Variants in XPC observed in about 807,000 individuals in gnomAD.
XPC encodes the protein DNA repair protein complementing XP-C cells.
Under a neutral mutation model 95.8 loss-of-function variants are expected in XPC, and 76 were observed. The ratio of observed to expected loss-of-function variants is 0.79; its 90% confidence interval spans 0.66 to 0.96. The LOEUF is 0.96. XPC is among the 40% of genes least tolerant of loss of function. The probability of loss-of-function intolerance (pLI) is 0.00; values close to 1 mark genes in which losing one functional copy is unlikely to be tolerated. For synonymous variants in XPC, 442 were observed against 442.1 expected (o/e 1.00, Z 0.00); for missense variants, 1,146 against 1,179.8 (o/e 0.97, Z 0.42).
At position 14,165,392 on chromosome 3, in the gene XPC, A is replaced by G. The variant is rs750814147; in HGVS notation, c.779+36T>C. 4.5e-6 allele frequency: 7 copies of G among 1,542,468 alleles called. No homozygotes were observed. In the South Asian group the frequency reaches 4.8e-5, roughly 11 times the overall value. On this transcript the variant is annotated intron_variant, in intron 6 of 15. Transcript: ENST00000285021. ...CCTCTGAGAGAAACACAAATCCTAC[A>G]CTCCCCAGCTCTGCAGGACAAGCGG...
intron 2 of XPC, 125 bp downstream of exon 2, chr3:14,172,742 T>C (rs1696660498): frequency 8.8e-7 from 1 of 1,132,744 alleles, no homozygotes. Context: ...GAGTTGTACC[T>C]AGAAGAATTT....
At position 14,158,622 on chromosome 3, in the gene XPC, C is replaced by G. The variant is rs1319388844; in HGVS notation, c.1261G>C (p.Glu421Gln). The G allele has an allele frequency of 4.3e-6, 7 of 1,613,916 alleles. No homozygotes were observed. Among genetic ancestry groups the G allele is most frequent in the African/African-American group, 1.3e-5 (1 of 75,024 alleles). ...KATQRRPHGR[E>Q]RRVASRVSYK... is the part of the protein sequence containing the mutation. ...GACACCCTGGAGGCCACCCGCCGCTCCCGGCCATGCGGACGTCGCTGGGTT... is the reference window on the plus strand; with the variant it reads ...GACACCCTGGAGGCCACCCGCCGCTGCCGGCCATGCGGACGTCGCTGGGTT... Residue 421 changes from glutamate to glutamine, a missense_variant, in exon 9 of 16, where the codon GAG (glutamate) becomes CAG (glutamine). By Grantham distance (29) the Glu-to-Gln change is conservative. Coordinates refer to ENST00000285021, the MANE Select transcript of XPC (RefSeq NM_004628.5). The surrounding 1 kb of genome is among the most constrained non-coding windows in gnomAD (Gnocchi z 5.2).
At chr3:14,177,839 T>G (rs1321036294) in intron 1 of XPC, among the ~76,000 whole-genome samples, 1 of 132,276 alleles carries the variant, frequency 7.6e-6, no homozygotes, top group Admixed American at 8.0e-5. Context: ...TGAAGAGAAG[T>G]GGACAAATTT....
chr3:14,169,334 T>TA (rs1696518009), intron 3 of XPC, among the ~76,000 whole-genome samples: 1 of 152,224 alleles, frequency 6.6e-6, no homozygotes, highest in Non-Finnish European at 1.5e-5. Flanking sequence ...TCTTTGGACT[T>TA]AGTTTACAAG....
At position 14,145,546 on chromosome 3, in the gene XPC, T is replaced by C. The variant is rs1487745337; in HGVS notation, c.*395A>G. ...TGAAGACTCTAACTGGAAGAAACGATCAGCGCATTCACGGATGCACCACCA... is the reference window on the plus strand; with the variant it reads ...TGAAGACTCTAACTGGAAGAAACGACCAGCGCATTCACGGATGCACCACCA... On this transcript the variant is annotated 3_prime_UTR_variant, in exon 16 of 16. Transcript: ENST00000285021. The C allele has an allele frequency of 1.4e-6, 1 of 700,128 alleles. No individual in the cohort carries two copies. Among genetic ancestry groups the C allele is most frequent in the Non-Finnish European group, 2.6e-6 (1 of 384,788 alleles). 43.4% of individuals were successfully genotyped at this position (700,128 alleles called of 1,614,324 possible).
At chr3:14,149,272 C>G (rs181225959) in intron 11 of XPC, among the ~76,000 whole-genome samples, 47 of 151,666 alleles carry the variant, frequency 3.1e-4, no homozygotes, top group African/African-American at 1.1e-3. Context: ...TTAGTAGAGA[C>G]GGGGGTTTCA....
At chr3:14,166,361 G>C (rs1234965374) in intron 5 of XPC, among the ~76,000 whole-genome samples, 1 of 152,022 alleles carries the variant, frequency 6.6e-6, no homozygotes, top group African/African-American at 2.4e-5. Flanking sequence ...CCCAGGCCTG[G>C]GTGAGGGAGG....
intron 7 of XPC, 112 bp downstream of exon 7, chr3:14,164,701 G>C: frequency 9.1e-7 from 1 of 1,102,314 alleles, no homozygotes; most frequent in Non-Finnish European, 1.3e-6. Context: ...TCATTATGAG[G>C]ACTGAATAAG....
intron 1 of XPC, among the ~76,000 whole-genome samples, chr3:14,177,428 A>G (rs922690505): frequency 1.3e-5 from 2 of 152,164 alleles, no homozygotes; most frequent in African/African-American, 4.8e-5. Context: ...TGAGTTTTGA[A>G]GAAATAGAAA....
Position 14,145,583 on chromosome 3 carries a change from C to G in XPC, c.*358G>C, listed in dbSNP as rs924123632. 7.1e-6 allele frequency: 5 copies of G among 699,660 alleles called. No homozygotes were observed. The highest frequency in any genetic ancestry group is 6.0e-5 in the South Asian group (4 of 66,848). The allele number at this position is 699,660 out of a possible 1,614,324, so 43.3% of individuals were successfully genotyped here. On this transcript the variant is annotated 3_prime_UTR_variant, in exon 16 of 16. Transcript: ENST00000285021. ...CGGATGCACCACCATCCAGAAATCTCCCGGTGGCTTCCATACAAAAACTGA... is the reference window on the plus strand; with the variant it reads ...CGGATGCACCACCATCCAGAAATCTGCCGGTGGCTTCCATACAAAAACTGA...
chr3:14,146,622 T>C (rs1695448867), intron 15 of XPC, among the ~76,000 whole-genome samples: 1 of 152,136 alleles, frequency 6.6e-6, no homozygotes. Flanking sequence ...GGCAAGGAGC[T>C]GGTCAGAACA....
rs200082462 is a variant in XPC at position 14,148,653 on chromosome 3, G to A, written c.2329C>T (p.Pro777Ser). Reference protein sequence around the residue: ...MPIGCVQLNLPNLHRVARKLD... With the variant: ...MPIGCVQLNLSNLHRVARKLD... ...TTGCGGGCCACGCGGTGTAGATTGGGCAGGTTCAGCTGGACACAGCCAATA... is the reference window on the plus strand; with the variant it reads ...TTGCGGGCCACGCGGTGTAGATTGGACAGGTTCAGCTGGACACAGCCAATA... The change falls in exon 13 of 16, where the codon CCC becomes TCC. Residue 777 changes from proline to serine, a missense_variant. By Grantham distance (74) the Pro-to-Ser change is moderately conservative. Coordinates refer to ENST00000285021, the MANE Select transcript of XPC (RefSeq NM_004628.5). 1 of 1,614,046 alleles carries A rather than the reference G, an allele frequency of 6.2e-7. No individual in the cohort carries two copies. The highest frequency in any genetic ancestry group is 8.5e-7 in the Non-Finnish European group (1 of 1,179,906).
intron 10 of XPC, among the ~76,000 whole-genome samples, chr3:14,154,382 A>G (rs182160729): frequency 1.3e-5 from 2 of 152,326 alleles, no homozygotes; most frequent in Admixed American, 1.3e-4. Flanking sequence ...ACAACAGCCA[A>G]AAGGTGGAGA....
intron 1 of XPC, among the ~76,000 whole-genome samples, chr3:14,175,604 A>T (rs952277117): frequency 2.0e-5 from 3 of 152,244 alleles, no homozygotes; most frequent in African/African-American, 7.2e-5. Context: ...GAATTAATGG[A>T]TATCACTGAA....
At position 14,145,412 on chromosome 3, in the gene XPC, A is replaced by T. The variant is rs1464188794; in HGVS notation, c.*529T>A. On this transcript the variant is annotated 3_prime_UTR_variant, in exon 16 of 16. Coordinates refer to ENST00000285021, the MANE Select transcript of XPC (RefSeq NM_004628.5). ...ACTTCTCTGCTCTCTCCCCTACTGC[A>T]AAGAGGCAGTGAGGGCAGCATTAGT... 1.4e-6 allele frequency: 1 copy of T among 698,484 alleles called. No homozygotes were observed. Among genetic ancestry groups the T allele is most frequent in the Non-Finnish European group, 2.6e-6 (1 of 383,430 alleles). 43.3% of individuals were successfully genotyped at this position (698,484 alleles called of 1,614,324 possible).
At chr3:14,152,112 T>C (rs1008481941) in intron 11 of XPC, among the ~76,000 whole-genome samples, 5 of 151,852 alleles carry the variant, frequency 3.3e-5, no homozygotes, top group Non-Finnish European at 7.4e-5. Flanking sequence ...CTAGATTTCT[T>C]TTGTGTTTTG....
At position 14,145,684 on chromosome 3, in the gene XPC, G is replaced by A. The variant is rs1695393517; in HGVS notation, c.*257C>T. The A allele has an allele frequency of 1.4e-6, 1 of 699,562 alleles. No homozygotes were observed. 43.3% of individuals were successfully genotyped at this position (699,562 alleles called of 1,614,324 possible). On this transcript the variant is annotated 3_prime_UTR_variant, in exon 16 of 16. Transcript: ENST00000285021. Reference sequence around the variant, plus strand: ...AGCAAAGTGTTCTGTAGCTCAAAGGGTGAGTGGGCTTTGGTAGCAAAAAGC... The same window carrying A: ...AGCAAAGTGTTCTGTAGCTCAAAGGATGAGTGGGCTTTGGTAGCAAAAAGC...
At chr3:14,147,193 C>T in intron 15 of XPC, 97 bp downstream of exon 15, 1 of 1,297,940 alleles carries the variant, frequency 7.7e-7, no homozygotes, top group Non-Finnish European at 1.1e-6. Context: ...CTATCCCTGA[C>T]TTGAGGCTGG....
At chr3:14,163,186 C>A (rs147490707) in intron 7 of XPC, among the ~76,000 whole-genome samples, 2,021 of 152,282 alleles carry the variant, frequency 0.013, 44 homozygotes, top group African/African-American at 0.044. Flanking sequence ...CTGCAGAAAA[C>A]AGTTTGGTGG....
Sources: allele counts gnomAD v4.1 joint callset (sites outside exome capture counted in the v4.1 genomes callset), GRCh38; gene constraint gnomAD v4.1.1; non-coding constraint Gnocchi (gnomAD v3.1); transcripts MANE v1.5; gene names NCBI Gene and HGNC (gene_info 2026-07-23, HGNC 2026-07-21).